POLK: variants seen among roughly 807,000 people sequenced by gnomAD.
POLK encodes the protein polymerase (DNA directed) kappa.
A neutral mutation model predicts 94.0 loss-of-function variants in POLK; 76 were observed. That is an observed-to-expected ratio of 0.81 (90% confidence interval 0.67 to 0.98). The LOEUF is 0.98. Ranked by LOEUF, POLK falls within the 50% of genes least tolerant of loss-of-function variation. The pLI is 0.00. For synonymous variants in POLK, 349 were observed against 325.4 expected (o/e 1.07, Z -0.78); for missense variants, 954 against 1,010.1 (o/e 0.94, Z 0.75).
intron 11 of POLK, among the ~76,000 whole-genome samples, chr5:75,592,917 A>G (rs5744702): frequency 0.056 from 8,471 of 151,854 alleles, 724 homozygotes; most frequent in African/African-American, 0.19. Context: ...TTAGCTGGGC[A>G]TGGTGGCACG....
chr5:75,597,604 A>G (rs1773160471), intron 13 of POLK, 143 bp from the exon 14 acceptor site: 1 of 446,796 alleles, frequency 2.2e-6, no homozygotes. Context: ...CAAAGAAATT[A>G]TAGTTTTTGG....
chr5:75,569,299 T>C (rs751641390), intron 3 of POLK, 41 bp from the exon 4 acceptor site: 1 of 1,399,306 alleles, frequency 7.1e-7, no homozygotes, highest in Non-Finnish European at 1.0e-6. Context: ...GTTTCAATAT[T>C]ATGTTGTCTA....
At chr5:75,511,457 C>A, upstream of POLK, 1 of 1,529,726 alleles carries the variant, frequency 6.5e-7, no homozygotes, top group South Asian at 1.2e-5. Context: ...CCGCCGCCGT[C>A]GCCGTGACCC....
At chr5:75,537,863 T>C (rs978233312) in intron 1 of POLK, among the ~76,000 whole-genome samples, 14 of 152,066 alleles carry the variant, frequency 9.2e-5, no homozygotes, top group Non-Finnish European at 1.9e-4. Context: ...TTTTTATTTA[T>C]TTATTTTTTT....
rs560820440 is a variant in POLK, at chr5:75,515,972, A to G, written c.-14+4058A>G. Among the ~76,000 whole-genome samples, 23 of 152,246 alleles carry G rather than the reference A, an allele frequency of 1.5e-4. No individual in the cohort carries two copies. The East Asian group carries it at 4.2e-3, about 28-fold the overall frequency. ...CATTGTGGTTTTGATTTGCATTTCT[A>G]TGATGATTAGTGATGTTGAACATTT... On this transcript the variant is annotated intron_variant, in intron 1 of 14. Coordinates refer to ENST00000241436, the Ensembl canonical transcript of POLK.
exon 15 of POLK, chr5:75,600,688 T>C (rs1773278504): frequency 1.3e-5 from 2 of 152,160 alleles, no homozygotes; most frequent in African/African-American, 4.8e-5. Flanking sequence ...TACCATGGCA[T>C]TTATATTGAA....
At chr5:75,573,046 G>A (rs889381536) in intron 4 of POLK, among the ~76,000 whole-genome samples, 1 of 152,204 alleles carries the variant, frequency 6.6e-6, no homozygotes, top group African/African-American at 2.4e-5. Flanking sequence ...TCATGCTGCT[G>A]TAAAGACACA....
rs916261240 is a variant in POLK, at chr5:75,596,274, G to A, written c.1581G>A (p.Arg527=). 4 of 1,612,892 alleles carry A rather than the reference G, an allele frequency of 2.5e-6. No individual in the cohort carries two copies. The African/African-American group carries it at 4.0e-5, about 16-fold the overall frequency. Residue 527 remains arginine, a synonymous_variant, in exon 13 of 15, where the codon AGG becomes AGA. Transcript: ENST00000241436. The stretch of plus-strand genomic sequence containing the variant: ...AAGAGGACAGGAAACACCAACAAAG[G>A]AGCATTATTGGCTTTTTACAGGCTG...
intron 2 of POLK, 24 bp downstream of exon 2, chr5:75,547,181 G>A: frequency 1.4e-6 from 2 of 1,418,724 alleles, no homozygotes; most frequent in Non-Finnish European, 1.9e-6. Flanking sequence ...TTCTTTTGAT[G>A]TGTGTAATTT....
chr5:75,526,146 A>G (rs2112553309), intron 1 of POLK, among the ~76,000 whole-genome samples: 1 of 152,228 alleles, frequency 6.6e-6, no homozygotes, highest in African/African-American at 2.4e-5. Context: ...TTCGTATTTT[A>G]TATTTTTATC....
chr5:75,552,544 C>T lies in POLK; in HGVS notation c.208C>T (p.Gln70Ter). 6.2e-7 allele frequency: 1 copy of T among 1,611,684 alleles called. No homozygotes were observed. Among genetic ancestry groups the T allele is most frequent in the South Asian group, 1.1e-5 (1 of 90,770 alleles). The change falls in exon 3 of 15, where the codon CAA becomes TAA. Residue 70 changes from glutamine to a stop codon, truncating the protein, a stop_gained. Coordinates refer to ENST00000241436, the Ensembl canonical transcript of POLK. LOFTEE classifies it high-confidence loss of function. ...CCAACGAATTGAAAATATGATGCAACAAAAAGCTCAAATCACCAGCCAACA... is the reference window on the plus strand; with the variant it reads ...CCAACGAATTGAAAATATGATGCAATAAAAAGCTCAAATCACCAGCCAACA...
intron 1 of POLK, among the ~76,000 whole-genome samples, chr5:75,514,206 G>A (rs1014805438): frequency 2.0e-5 from 3 of 152,096 alleles, no homozygotes; most frequent in African/African-American, 7.2e-5. Context: ...TTCTTCTGTA[G>A]ATTCATTGTT....
At chr5:75,565,389 G>T (rs987999452) in intron 3 of POLK, among the ~76,000 whole-genome samples, 2 of 152,054 alleles carry the variant, frequency 1.3e-5, no homozygotes, top group Non-Finnish European at 2.9e-5. Flanking sequence ...CTGTCAATTT[G>T]TCAAACTCAT....
At chr5:75,531,445 C>T (rs1384234618) in intron 1 of POLK, among the ~76,000 whole-genome samples, 3 of 151,616 alleles carry the variant, frequency 2.0e-5, no homozygotes, top group Admixed American at 2.0e-4. Context: ...TAGCTATTTA[C>T]ACCAGTGCTA....
chr5:75,585,328 C>T (rs1025365098), intron 9 of POLK, among the ~76,000 whole-genome samples: 3 of 152,130 alleles, frequency 2.0e-5, no homozygotes, highest in African/African-American at 4.8e-5. Flanking sequence ...TTTTCTTTTC[C>T]GGATTCATTC....
intron 6 of POLK, among the ~76,000 whole-genome samples, chr5:75,578,420 G>C (rs2112806260): frequency 6.6e-6 from 1 of 152,334 alleles, no homozygotes; most frequent in South Asian, 2.1e-4. Context: ...GCCTTCCAAA[G>C]TGCTGGGATT....
intron 1 of POLK, among the ~76,000 whole-genome samples, chr5:75,527,408 T>C (rs192768064): frequency 6.6e-6 from 1 of 151,048 alleles, no homozygotes; most frequent in East Asian, 1.9e-4. Flanking sequence ...TGGTCCCAGC[T>C]ACTTGAGAGG....
In POLK at chr5:75,597,278, G is replaced by A. The variant is rs1773143492; in HGVS notation, c.2485+100G>A. The A allele has an allele frequency of 4.3e-6, 3 of 698,952 alleles. No individual in the cohort carries two copies. The African/African-American group carries it at 5.4e-5, about 13-fold the overall frequency. The allele number at this position is 698,952 out of a possible 1,614,324, so 43.3% of individuals were successfully genotyped here. A position where few individuals can be genotyped will look rare whatever the true frequency, so the allele number is the denominator to read the frequency against. ...AATCTGAAACATATACTATTAAATG[G>A]GTAGTTTGTGTATGCCGCCATTTAG... is the stretch of plus-strand genomic sequence containing the variant. On this transcript the variant is annotated intron_variant, in intron 13 of 14. Coordinates refer to ENST00000241436, the Ensembl canonical transcript of POLK.
rs192761541 is a variant in POLK at position 75,599,608 on chromosome 5, C to T, written c.*1590C>T. On this transcript the variant is annotated 3_prime_UTR_variant, in exon 15 of 15. Transcript: ENST00000241436. ...GTGATTTACTTATGTAAATTATGTA[C>T]AAATTTAAGTTCAATGAAACACTGA... 36 of 152,120 alleles carry T rather than the reference C, an allele frequency of 2.4e-4. No individual in the cohort carries two copies. The East Asian group carries it at 6.8e-3, about 29-fold the overall frequency. 9.4% of individuals were successfully genotyped at this position (152,120 alleles called of 1,614,324 possible).
Sources: gnomAD v4.1 joint callset for allele counts (sites outside exome capture counted in the v4.1 genomes callset) on GRCh38, gnomAD v4.1.1 for gene constraint, MANE v1.5 for transcripts, NCBI Gene and HGNC (gene_info 2026-07-23, HGNC 2026-07-21) for gene names.